MAGI2: variants seen among roughly 807,000 people sequenced by gnomAD.
The protein encoded by MAGI2 is membrane associated guanylate kinase, WW and PDZ domain containing 2, also known as membrane-associated guanylate kinase, WW and PDZ domain-containing protein 2.
A neutral mutation model predicts 133.3 loss-of-function variants in MAGI2; 35 were observed. That is an observed-to-expected ratio of 0.26 (90% CI 0.20 to 0.35). The LOEUF is 0.35. Among genes scored for constraint, MAGI2 ranks in the 10% least tolerant of loss-of-function variants. The pLI, the probability that MAGI2 is intolerant of heterozygous loss-of-function variation, is 1.00. For synonymous variants in MAGI2, 729 were observed against 710.6 expected, an observed-to-expected ratio of 1.03 and a Z score of -0.41; for missense variants, 1,636 against 1,863.4, an observed-to-expected ratio of 0.88 and a Z score of 2.25.
chr7:78,772,605 C>A (rs904496044), intron 2 of MAGI2, among the ~76,000 whole-genome samples: 4 of 152,098 alleles, frequency 2.6e-5, no homozygotes, highest in Admixed American at 2.6e-4. Flanking sequence ...AGCCGAAATA[C>A]ACCCAGTCCC....
intron 1 of MAGI2, among the ~76,000 whole-genome samples, chr7:79,393,520 A>C (rs890301965): frequency 6.6e-6 from 1 of 152,274 alleles, no homozygotes; most frequent in Admixed American, 6.5e-5. Context: ...TTTATAAAAA[A>C]ATTAACATAT....
intron 6 of MAGI2, among the ~76,000 whole-genome samples, chr7:78,428,280 T>C (rs1208450203): frequency 6.6e-6 from 1 of 152,184 alleles, no homozygotes; most frequent in African/African-American, 2.4e-5. Flanking sequence ...AAAGTATATA[T>C]GCTTCTTTAT....
intron 6 of MAGI2, among the ~76,000 whole-genome samples, chr7:78,489,462 C>A (rs566381434): frequency 6.6e-6 from 1 of 151,966 alleles, no homozygotes; most frequent in Non-Finnish European, 1.5e-5. Context: ...GTCCTCAGAG[C>A]GACGTATTGC....
At chr7:78,528,300 A>G (rs749402619) in intron 3 of MAGI2, among the ~76,000 whole-genome samples, 12 of 152,224 alleles carry the variant, frequency 7.9e-5, no homozygotes, top group Non-Finnish European at 1.2e-4. Flanking sequence ...GCTGATCATA[A>G]TTATGTTAGA....
At chr7:78,185,728 T>C (rs1440523413) in intron 12 of MAGI2, 58 bp from the exon 13 acceptor site, 16 of 1,326,908 alleles carry the variant, frequency 1.2e-5, no homozygotes, top group African/African-American at 1.4e-5. Context: ...TTAAAATTCA[T>C]CTTTACTTTC....
In MAGI2 at chr7:79,257,376, CA is replaced by C. The variant is rs1049575381; in HGVS notation, c.301+195643del. 2.2e-3 allele frequency among the ~76,000 whole-genome samples: 325 copies of C among 149,456 alleles called. 1 individual carries two copies. The highest frequency in any genetic ancestry group is 7.6e-3 in the African/African-American group (312 of 40,846). On this transcript the variant is annotated intron_variant, in intron 1 of 21. Transcript: ENST00000354212. The stretch of plus-strand genomic sequence containing the variant: ...ACAAACAATTCAAGAGTGACAAAAG[CA>C]AAAAAAAATTGTATTTTGATTTATC...
intron 9 of MAGI2, among the ~76,000 whole-genome samples, chr7:78,316,995 C>T (rs1339244422): frequency 6.7e-6 from 1 of 149,032 alleles, no homozygotes; most frequent in African/African-American, 2.5e-5. Context: ...TTTTGAGACA[C>T]TCCTGAAAGT....
intron 2 of MAGI2, among the ~76,000 whole-genome samples, chr7:78,750,406 G>T (rs1457018551): frequency 6.6e-6 from 1 of 152,188 alleles, no homozygotes; most frequent in Non-Finnish European, 1.5e-5. Context: ...TATATACCCA[G>T]TAATGGGATT....
intron 1 of MAGI2, among the ~76,000 whole-genome samples, chr7:79,155,352 A>G (rs1442875166): frequency 2.0e-5 from 3 of 152,172 alleles, no homozygotes; most frequent in African/African-American, 7.2e-5. Flanking sequence ...CTAGACTCTT[A>G]AGATAAAATG....
chr7:79,407,742 C>A (rs1845902006), intron 1 of MAGI2, among the ~76,000 whole-genome samples: 1 of 151,536 alleles, frequency 6.6e-6, no homozygotes, highest in African/African-American at 2.4e-5. Context: ...ATATGAACTT[C>A]AAATAGACCT....
chr7:78,408,667 G>A (rs1208530384), intron 6 of MAGI2, among the ~76,000 whole-genome samples: 1 of 152,038 alleles, frequency 6.6e-6, no homozygotes, highest in African/African-American at 2.4e-5. Flanking sequence ...TTGAAAGGTA[G>A]CTGGTTTAAA....
At chr7:79,143,265 T>C (rs993674201) in intron 1 of MAGI2, among the ~76,000 whole-genome samples, 1 of 152,120 alleles carries the variant, frequency 6.6e-6, no homozygotes, top group African/African-American at 2.4e-5. Flanking sequence ...AGCAGACGGA[T>C]GTGGAAAAAA....
chr7:79,290,431 C>G (rs1039260718), intron 1 of MAGI2, among the ~76,000 whole-genome samples: 2 of 151,598 alleles, frequency 1.3e-5, no homozygotes, highest in East Asian at 1.9e-4. Context: ...AAAGATGAGT[C>G]TGATATTATT....
chr7:78,100,836 A>C (rs62461186), intron 20 of MAGI2, among the ~76,000 whole-genome samples: 17,881 of 152,282 alleles, frequency 0.12, 1,371 homozygotes, highest in Non-Finnish European at 0.18. Context: ...TGTCAGAACT[A>C]ATATGTGAAT....
intron 3 of MAGI2, among the ~76,000 whole-genome samples, chr7:78,522,814 A>T (rs1266847655): frequency 6.6e-6 from 1 of 152,228 alleles, no homozygotes; most frequent in East Asian, 1.9e-4. Flanking sequence ...CAGTGTTTTC[A>T]GTTAATTGAG....
chr7:78,946,174 A>G (rs897602319), intron 2 of MAGI2, among the ~76,000 whole-genome samples: 4 of 152,188 alleles, frequency 2.6e-5, no homozygotes, highest in African/African-American at 7.2e-5. Flanking sequence ...GTTAGTTAGC[A>G]TATTTAAAAT....
rs1022321321 is a variant in MAGI2, at chr7:78,971,269, T to G, written c.418+35821A>C. On this transcript the variant is annotated intron_variant, in intron 2 of 21. Transcript: ENST00000354212. ...GCTTATACATACATATGCTATTAACTCATTACTTCCCATTGTCTCTCTTCA... is the reference window on the plus strand; with the variant it reads ...GCTTATACATACATATGCTATTAACGCATTACTTCCCATTGTCTCTCTTCA... 8.5e-5 allele frequency among the ~76,000 whole-genome samples: 13 copies of G among 152,178 alleles called. No individual in the cohort carries two copies. In the East Asian group the frequency reaches 2.3e-3, roughly 27 times the overall value.
intron 1 of MAGI2, among the ~76,000 whole-genome samples, chr7:79,399,583 A>G (rs1331824867): frequency 6.6e-6 from 1 of 152,154 alleles, no homozygotes; most frequent in Non-Finnish European, 1.5e-5. Context: ...TGTAGATACA[A>G]GTGCAGTGCT....
chr7:79,305,413 G>A (rs1400159982), intron 1 of MAGI2, among the ~76,000 whole-genome samples: 1 of 152,136 alleles, frequency 6.6e-6, no homozygotes, highest in Admixed American at 6.6e-5. Flanking sequence ...AACACTTGAA[G>A]TGGTATCTGA....
Sources: allele counts gnomAD v4.1 joint callset (sites outside exome capture counted in the v4.1 genomes callset), GRCh38; gene constraint gnomAD v4.1.1; transcripts MANE v1.5; gene names NCBI Gene and HGNC (gene_info 2026-07-23, HGNC 2026-07-21).